The following SUPT16H variants were observed in gnomAD, a reference collection of about 807,000 sequenced individuals.
SUPT16H encodes the protein FACT complex subunit SPT16.
SUPT16H carries 24 observed loss-of-function variants against 136.2 expected under a neutral mutation model. The ratio of observed to expected loss-of-function variants is 0.18; its 90% confidence interval spans 0.13 to 0.25. The LOEUF (loss-of-function observed/expected upper bound fraction) is 0.25. Among genes scored for constraint, SUPT16H ranks in the 10% least tolerant of loss-of-function variants. SUPT16H has a pLI of 1.00. For synonymous variants in SUPT16H, 415 were observed against 428.2 expected (o/e 0.97, Z 0.38); for missense variants, 623 against 1,270.2 (o/e 0.49, Z 7.74).
intron 1 of SUPT16H, among the ~76,000 whole-genome samples, chr14:21,378,476 AAG>A (rs1886952840): frequency 3.3e-5 from 5 of 152,222 alleles, no homozygotes; most frequent in African/African-American, 1.2e-4. Context: ...AAAAGTTATG[AAG>A]AAGGATGGAT....
At chr14:21,365,894 C>G (rs765136362) in intron 8 of SUPT16H, among the ~76,000 whole-genome samples, 1 of 152,108 alleles carries the variant, frequency 6.6e-6, no homozygotes, top group Middle Eastern at 3.4e-3. Context: ...CTTGAGCCCA[C>G]GAGGTCAAGA....
chr14:21,360,983 AG>A lies in SUPT16H; in HGVS notation c.1930-12del. On this transcript the variant is annotated splice_polypyrimidine_tract_variant and intron_variant, in intron 16 of 25. Transcript: ENST00000216297. The stretch of plus-strand genomic sequence containing the variant: ...TTGTTTTACAATCCCCTAAGCAAGA[AG>A]AAAATTAATGTGAATTGTCACATAT... The A allele has an allele frequency of 6.2e-7, 1 of 1,612,294 alleles. No individual in the cohort carries two copies. The highest frequency in any genetic ancestry group is 2.2e-5 in the East Asian group (1 of 44,874).
intron 18 of SUPT16H, among the ~76,000 whole-genome samples, 199 bp downstream of exon 18, chr14:21,360,216 C>T (rs1016376645): frequency 1.8e-4 from 27 of 151,934 alleles, no homozygotes; most frequent in Non-Finnish European, 2.1e-4. Context: ...TTAGTAGAGA[C>T]GGGGTTTCAT....
intron 1 of SUPT16H, among the ~76,000 whole-genome samples, chr14:21,382,571 TTATGGGTA>T (rs1042896350): frequency 6.6e-6 from 1 of 152,212 alleles, no homozygotes; most frequent in Non-Finnish European, 1.5e-5. Flanking sequence ...GTTTCAGGGT[TTATGGGTA>T]CAAGAGAGGG....
rs1226776102 is a variant in SUPT16H at position 21,377,998 on chromosome 14, G to A, written c.67-4568C>T. 3.9e-5 allele frequency among the ~76,000 whole-genome samples: 6 copies of A among 152,100 alleles called. No individual in the cohort carries two copies. The East Asian group carries it at 1.2e-3, about 29-fold the overall frequency. ...ACAAAGCAGAGGCTCTTGGATATAG[G>A]GGACCCAATATTGCAAAGTCCCGAG... On this transcript the variant is annotated intron_variant, in intron 1 of 25. Transcript: ENST00000216297.
chr14:21,373,240 C>G, intron 2 of SUPT16H, 98 bp downstream of exon 2: 2 of 1,015,886 alleles, frequency 2.0e-6, no homozygotes, highest in South Asian at 1.3e-5. Context: ...GCCACCGCAG[C>G]CAGCCAGGAA....
chr14:21,370,070 T>C (rs900124411), intron 4 of SUPT16H, among the ~76,000 whole-genome samples, 174 bp from the exon 5 acceptor site: 18 of 152,246 alleles, frequency 1.2e-4, no homozygotes, highest in Non-Finnish European at 2.6e-4. Context: ...AAATAGCTCT[T>C]TGCCAGGTCA....
intron 1 of SUPT16H, among the ~76,000 whole-genome samples, chr14:21,379,996 A>G (rs868577993): frequency 9.2e-5 from 14 of 152,358 alleles, no homozygotes; most frequent in Admixed American, 7.2e-4. Context: ...CCTGACTGAA[A>G]TAACAGGAAA....
At chr14:21,370,533 TCATTAGACACGTTTTACCAGTAA>T (rs753642101) in intron 3 of SUPT16H, 45 bp from the exon 4 acceptor site, 12 of 1,597,106 alleles carry the variant, frequency 7.5e-6, no homozygotes, top group Non-Finnish European at 9.4e-6. Context: ...TTTTACCAGT[TCATTAGACACGTTTTACCAGTAA>T]CAGGTAGAAT....
intron 1 of SUPT16H, among the ~76,000 whole-genome samples, chr14:21,377,762 T>TA (rs1280897088): frequency 6.6e-6 from 1 of 152,194 alleles, no homozygotes; most frequent in Non-Finnish European, 1.5e-5. Context: ...TAGCTGGCAT[T>TA]ACAGGAATGT....
intron 21 of SUPT16H, 34 bp downstream of exon 21, chr14:21,357,893 A>T: frequency 6.3e-7 from 1 of 1,592,678 alleles, no homozygotes. Context: ...TTCTCTAACA[A>T]TTTTCTTACT....
chr14:21,360,266 G>A, intron 18 of SUPT16H, 149 bp downstream of exon 18: 2 of 557,950 alleles, frequency 3.6e-6, no homozygotes, highest in South Asian at 4.6e-5. Flanking sequence ...GACCTCAGGT[G>A]ATCCACCCAC....
intron 8 of SUPT16H, 116 bp downstream of exon 8, chr14:21,366,323 G>T: frequency 1.1e-6 from 1 of 934,120 alleles, no homozygotes; most frequent in Non-Finnish European, 1.7e-6. Context: ...ACATAGTATA[G>T]TTTGCTAGTC....
At chr14:21,380,171 A>G (rs1464597047) in intron 1 of SUPT16H, among the ~76,000 whole-genome samples, 1 of 152,190 alleles carries the variant, frequency 6.6e-6, no homozygotes, top group African/African-American at 2.4e-5. Flanking sequence ...AATAAAAAAT[A>G]ATGGGAGGAT....
chr14:21,381,521 T>C (rs995463658), intron 1 of SUPT16H, among the ~76,000 whole-genome samples: 6 of 152,136 alleles, frequency 3.9e-5, no homozygotes, highest in Admixed American at 1.3e-4. Context: ...AAAAGTGGGT[T>C]TGGAGCCCAA....
At chr14:21,370,256 T>G (rs1886757503) in intron 4 of SUPT16H, 80 bp downstream of exon 4, 1 of 1,513,808 alleles carries the variant, frequency 6.6e-7, no homozygotes, top group Non-Finnish European at 8.9e-7. Flanking sequence ...AAAACAAACG[T>G]CCTGCACTAT....
Position 21,371,975 on chromosome 14 carries a change from C to T in SUPT16H, c.229G>A (p.Ala77Thr). The change falls in exon 3 of 26, where the codon GCC (alanine) becomes ACC (threonine). Residue 77 changes from alanine to threonine, a missense_variant. Ala to Thr is a moderately conservative substitution (Grantham distance 58). Transcript: ENST00000216297. The stretch of plus-strand genomic sequence containing the variant: ...AAGAACTCCACTTTTTTCTTGCTGG[C>T]CATAAAGATGATTTTGTCATCACAA... Reference protein sequence around the residue: ...VFCDDKIIFMASKKKVEFLKQ... With the variant: ...VFCDDKIIFMTSKKKVEFLKQ... The T allele has an allele frequency of 1.2e-6, 2 of 1,613,950 alleles. No individual in the cohort carries two copies. The highest frequency in any genetic ancestry group is 4.5e-5 in the East Asian group (2 of 44,860).
intron 17 of SUPT16H, 112 bp downstream of exon 17, chr14:21,360,734 C>T (rs578217549): frequency 2.0e-6 from 3 of 1,468,746 alleles, no homozygotes; most frequent in Non-Finnish European, 2.8e-6. Context: ...CATGCTTTAA[C>T]CAACTGAGCT....
At chr14:21,379,507 T>C (rs1332322772) in intron 1 of SUPT16H, among the ~76,000 whole-genome samples, 1 of 151,320 alleles carries the variant, frequency 6.6e-6, no homozygotes, top group Non-Finnish European at 1.5e-5. Flanking sequence ...AAAAAAAATC[T>C]CAATCCATCT....
Sources: gnomAD v4.1 joint callset for allele counts (sites outside exome capture counted in the v4.1 genomes callset) on GRCh38, gnomAD v4.1.1 for gene constraint, MANE v1.5 for transcripts, NCBI Gene and HGNC (gene_info 2026-07-23, HGNC 2026-07-21) for gene names.